Variants in DPH6 observed in about 807,000 individuals in gnomAD.
DPH6 encodes the protein diphthine--ammonia ligase.
A neutral mutation model predicts 38.2 loss-of-function variants in DPH6; 33 were observed. That is an observed-to-expected ratio of 0.86 (90% CI 0.65 to 1.15). DPH6 has a LOEUF of 1.15. Among genes scored for constraint, DPH6 ranks in the 50% most tolerant of loss-of-function variants. The pLI, the probability that DPH6 is intolerant of heterozygous loss-of-function variation, is 0.00. For synonymous variants in DPH6, 108 were observed against 103.0 expected (o/e 1.05, Z -0.30); for missense variants, 325 against 320.0 (o/e 1.02, Z -0.12).
intron 3 of DPH6, among the ~76,000 whole-genome samples, chr15:35,290,954 C>T (rs2051976106): frequency 6.6e-6 from 1 of 151,990 alleles, no homozygotes; most frequent in Non-Finnish European, 1.5e-5. Flanking sequence ...GAAACAATAT[C>T]CACCATGTAA....
At chr15:35,297,686 A>G (rs1388983308) in intron 3 of DPH6, among the ~76,000 whole-genome samples, 1 of 151,786 alleles carries the variant, frequency 6.6e-6, no homozygotes, top group Non-Finnish European at 1.5e-5. Context: ...TGATTTTTCC[A>G]TTTTATATCT....
chr15:35,285,568 C>A (rs1264817653), intron 3 of DPH6, among the ~76,000 whole-genome samples: 1 of 152,060 alleles, frequency 6.6e-6, no homozygotes, highest in African/African-American at 2.4e-5. Flanking sequence ...TAGTTTCTTT[C>A]TTTTGTAAAT....
intron 3 of DPH6, among the ~76,000 whole-genome samples, chr15:35,488,909 G>A (rs1016636958): frequency 6.6e-6 from 1 of 152,006 alleles, no homozygotes; most frequent in African/African-American, 2.4e-5. Flanking sequence ...GCAAGTTTGT[G>A]CACAGCAAAC....
intron 5 of DPH6, among the ~76,000 whole-genome samples, chr15:35,444,048 C>T (rs528755140): frequency 6.6e-6 from 1 of 152,312 alleles, no homozygotes; most frequent in Non-Finnish European, 1.5e-5. Context: ...AGGTCCTTCA[C>T]TGCTATACTC....
At position 35,426,301 on chromosome 15, in the gene DPH6, C is replaced by T. The variant is rs954721578; in HGVS notation, c.506-15405G>A. 3.3e-5 allele frequency among the ~76,000 whole-genome samples: 5 copies of T among 151,678 alleles called. No individual in the cohort carries two copies. The East Asian group carries it at 9.6e-4, about 29-fold the overall frequency. On this transcript the variant is annotated intron_variant, in intron 5 of 8. Coordinates refer to ENST00000256538, the MANE Select transcript of DPH6 (RefSeq NM_080650.4). ...CTCTACTTGAAAGCACATTAAGTAA[C>T]CTTTTTTAAACAAAATAATTATTTG...
the DPH6 span, among the ~76,000 whole-genome samples, chr15:35,191,978 C>A: frequency 5.3e-5 from 8 of 152,222 alleles, no homozygotes; most frequent in East Asian, 1.5e-3. Context: ...ATAAAGCCTT[C>A]TTCCCTGGCA....
chr15:35,363,658 A>C (rs2052632444), intron 3 of DPH6, among the ~76,000 whole-genome samples: 1 of 152,048 alleles, frequency 6.6e-6, no homozygotes, highest in East Asian at 1.9e-4. Flanking sequence ...ATCTTACCCC[A>C]TGATTTGCTT....
intron 3 of DPH6, among the ~76,000 whole-genome samples, chr15:35,359,800 A>G (rs1019030045): frequency 2.0e-5 from 3 of 151,940 alleles, no homozygotes; most frequent in African/African-American, 7.3e-5. Context: ...GTCATCTTCT[A>G]AGTTTTTCAG....
intron 3 of DPH6, among the ~76,000 whole-genome samples, chr15:35,287,176 G>C (rs960154005): frequency 3.9e-5 from 6 of 152,114 alleles, no homozygotes; most frequent in Non-Finnish European, 8.8e-5. Flanking sequence ...TATGAGTCAA[G>C]AGATGATATA....
At chr15:35,306,838 C>G (rs1056484839) in intron 3 of DPH6, among the ~76,000 whole-genome samples, 9 of 152,164 alleles carry the variant, frequency 5.9e-5, no homozygotes, top group Non-Finnish European at 1.2e-4. Flanking sequence ...ACACACCCAA[C>G]ATGTTCAGTC....
intron 3 of DPH6, among the ~76,000 whole-genome samples, chr15:35,485,579 G>T (rs1242477494): frequency 7.9e-5 from 12 of 152,044 alleles, no homozygotes. Flanking sequence ...ATTATCCATT[G>T]TTCTTCCACC....
At chr15:35,318,338 A>G (rs2052211013) in intron 3 of DPH6, among the ~76,000 whole-genome samples, 1 of 152,178 alleles carries the variant, frequency 6.6e-6, no homozygotes, top group Non-Finnish European at 1.5e-5. Context: ...TCAAATAACT[A>G]AAGCAAAATC....
intron 3 of DPH6, among the ~76,000 whole-genome samples, chr15:35,309,809 C>T (rs994914176): frequency 3.3e-5 from 5 of 152,080 alleles, no homozygotes; most frequent in African/African-American, 9.7e-5. Flanking sequence ...AAAATAAAAT[C>T]CCTTTGACTT....
At chr15:35,177,695 T>A in the DPH6 span, among the ~76,000 whole-genome samples, 1 of 151,730 alleles carries the variant, frequency 6.6e-6, no homozygotes, top group African/African-American at 2.4e-5. Context: ...ATCCCAGCAC[T>A]TTGGGAGGCC....
chr15:35,287,344 G>A (rs2051950164), intron 3 of DPH6, among the ~76,000 whole-genome samples: 1 of 151,940 alleles, frequency 6.6e-6, no homozygotes, highest in African/African-American at 2.4e-5. Context: ...TTATACAGAG[G>A]GCTATTATTT....
intron 5 of DPH6, among the ~76,000 whole-genome samples, chr15:35,430,682 C>T (rs1344420478): frequency 6.6e-6 from 1 of 152,130 alleles, no homozygotes; most frequent in East Asian, 1.9e-4. Context: ...TTAATACAAA[C>T]ATTTCTTTCC....
intron 5 of DPH6, among the ~76,000 whole-genome samples, chr15:35,440,688 G>T (rs372364498): frequency 4.6e-5 from 7 of 152,310 alleles, no homozygotes; most frequent in African/African-American, 1.4e-4. Flanking sequence ...GGTCTTGCCT[G>T]GGCATGCCTG....
At position 35,381,902 on chromosome 15, in the gene DPH6, A is replaced by G. The variant is rs774419259; in HGVS notation, c.582T>C (p.Tyr194=). ...CACCTTCTCCACAAACATGTACTCCATACTTCTTAGAAAGCTGAAAATAGG... is the reference window on the plus strand; with the variant it reads ...CACCTTCTCCACAAACATGTACTCCGTACTTCTTAGAAAGCTGAAAATAGG... ...EPYLIELSKK[Y]GVHVCGEGGE... The change falls in exon 7 of 9, where the codon TAT becomes TAC. Residue 194 remains tyrosine (Y), a synonymous_variant. Transcript: ENST00000256538. 19 of 1,612,114 alleles carry G rather than the reference A, an allele frequency of 1.2e-5. No individual in the cohort carries two copies. The highest frequency in any genetic ancestry group is 1.7e-5 in the Admixed American group (1 of 59,542).
intron 3 of DPH6, among the ~76,000 whole-genome samples, chr15:35,318,476 T>C (rs1005758988): frequency 1.3e-5 from 2 of 152,162 alleles, no homozygotes; most frequent in Non-Finnish European, 2.9e-5. Flanking sequence ...TTGGCATATA[T>C]ATAACAGTGC....
Sources: gnomAD v4.1 joint callset for allele counts (sites outside exome capture counted in the v4.1 genomes callset) on GRCh38, gnomAD v4.1.1 for gene constraint, MANE v1.5 for transcripts, NCBI Gene and HGNC (gene_info 2026-07-23, HGNC 2026-07-21) for gene names.